SMIM36: variants seen among roughly 807,000 people sequenced by gnomAD.
SMIM36 encodes the protein small integral membrane protein 36.
At position 55,500,884 on chromosome 17, in the gene SMIM36, TATATATTATAATATATTATATTATA is replaced by T. The variant is rs1364152509; in HGVS notation, c.*174+9970_*174+9994del. On this transcript the variant is annotated intron_variant, in intron 1 of 4. Transcript: ENST00000636752. The stretch of plus-strand genomic sequence containing the variant: ...TATTATAATATATTATATTTTATAA[TATATATTATAATATATTATATTATA>T]ATATATTATAATATATTATATTTTA... Among the ~76,000 whole-genome samples the T allele has an allele frequency of 7.7e-5, 2 of 25,850 alleles. 1 individual carries two copies. The highest frequency in any genetic ancestry group is 1.0e-3 in the African/African-American group (2 of 1,946). The allele number at this position is 25,850 out of a possible 152,430, so 17.0% of individuals were successfully genotyped here. A position where few individuals can be genotyped will look rare whatever the true frequency, so the allele number is the denominator to read the frequency against.
chr17:55,470,203 A>G (rs951258675), intron 3 of SMIM36, among the ~76,000 whole-genome samples: 4 of 152,002 alleles, frequency 2.6e-5, no homozygotes, highest in African/African-American at 9.7e-5. Context: ...CCACTCCCAG[A>G]GCCCCTGGAA....
chr17:55,469,813 A>C (rs1289601222), intron 3 of SMIM36, among the ~76,000 whole-genome samples: 1 of 152,162 alleles, frequency 6.6e-6, no homozygotes, highest in Non-Finnish European at 1.5e-5. Context: ...CCCCATCTCC[A>C]CTAAAAATAC....
intron 3 of SMIM36, among the ~76,000 whole-genome samples, chr17:55,469,797 G>A (rs1909309930): frequency 6.6e-6 from 1 of 152,126 alleles, no homozygotes; most frequent in African/African-American, 2.4e-5. Flanking sequence ...GGCCAAGATG[G>A]TGAAACCCCA....
intron 1 of SMIM36, among the ~76,000 whole-genome samples, chr17:55,485,503 G>A (rs2143283323): frequency 6.6e-6 from 1 of 150,846 alleles, no homozygotes; most frequent in Non-Finnish European, 1.5e-5. Context: ...TGCCCTGGCT[G>A]GAGTTGAACT....
At chr17:55,455,374 C>A (rs561534971) in intron 4 of SMIM36, among the ~76,000 whole-genome samples, 1 of 151,496 alleles carries the variant, frequency 6.6e-6, no homozygotes, top group Non-Finnish European at 1.5e-5. Context: ...ACGCTGCCCC[C>A]CTCCCCACAC....
chr17:55,510,632 T>C (rs1400471342), intron 1 of SMIM36, among the ~76,000 whole-genome samples: 1 of 152,130 alleles, frequency 6.6e-6, no homozygotes, highest in Non-Finnish European at 1.5e-5. Flanking sequence ...CTGGTTGCCT[T>C]GGAAAGAAAG....
chr17:55,516,554 C>CTT, the SMIM36 span, among the ~76,000 whole-genome samples: 109 of 98,518 alleles, frequency 1.1e-3, no homozygotes, highest in Non-Finnish European at 1.6e-3. Context: ...AACAGTCTTC[C>CTT]TTTTTTTTTT....
In SMIM36 at chr17:55,500,997, A is replaced by ATATTATAATATATTATATAT. The variant is rs1567870702; in HGVS notation, c.*174+9881_*174+9882insATATATAATATATTATAATA. ...ATTATAATATATTATATATTATAAT[A>ATATTATAATATATTATATAT]TGTAACATATTATTATATTTTGTAA... is the stretch of plus-strand genomic sequence containing the variant. On this transcript the variant is annotated intron_variant, in intron 1 of 4. Transcript: ENST00000636752. Among the ~76,000 whole-genome samples, 3 of 33,602 alleles carry ATATTATAATATATTATATAT rather than the reference A, an allele frequency of 8.9e-5. 1 individual carries two copies. Among genetic ancestry groups the ATATTATAATATATTATATAT allele is most frequent in the Non-Finnish European group, 1.2e-4 (2 of 16,810 alleles). 22.0% of individuals were successfully genotyped at this position (33,602 alleles called of 152,430 possible). A position where few individuals can be genotyped will look rare whatever the true frequency, so the allele number is the denominator to read the frequency against.
chr17:55,476,578 T>G (rs900948414), intron 3 of SMIM36, among the ~76,000 whole-genome samples: 1 of 151,938 alleles, frequency 6.6e-6, no homozygotes, highest in Non-Finnish European at 1.5e-5. Flanking sequence ...TTTTTTTTTT[T>G]TGTTTGTTTA....
At chr17:55,452,562 A>C (rs1366605990) in intron 4 of SMIM36, among the ~76,000 whole-genome samples, 5 of 152,172 alleles carry the variant, frequency 3.3e-5, no homozygotes, top group African/African-American at 9.7e-5. Context: ...AGTCTGGACA[A>C]ATCAAGAGCT....
At chr17:55,528,909 A>G in the SMIM36 span, among the ~76,000 whole-genome samples, 1 of 152,220 alleles carries the variant, frequency 6.6e-6, no homozygotes, top group African/African-American at 2.4e-5. Context: ...AGACAGTTGG[A>G]AGAAAATGCA....
rs146803150 is a variant in SMIM36, at chr17:55,473,361, G to C, written c.*347+5401C>G. On this transcript the variant is annotated intron_variant, in intron 3 of 4. Transcript: ENST00000636752. Reference sequence around the variant, plus strand: ...TGACTTTCCGTAAATTTAAATATCTGCTTGTTTGGATCGACACCTCCACCA... The same window carrying C: ...TGACTTTCCGTAAATTTAAATATCTCCTTGTTTGGATCGACACCTCCACCA... Among the ~76,000 whole-genome samples the C allele has an allele frequency of 9.2e-3, 1,397 of 152,236 alleles. 19 individuals carry two copies. The highest frequency in any genetic ancestry group is 0.032 in the African/African-American group (1,321 of 41,522).
upstream of SMIM36, among the ~76,000 whole-genome samples, chr17:55,515,914 G>T (rs1910268159): frequency 6.6e-6 from 1 of 152,234 alleles, no homozygotes; most frequent in Non-Finnish European, 1.5e-5. Flanking sequence ...AAACCAGGAG[G>T]TATACCAAGC....
intron 4 of SMIM36, among the ~76,000 whole-genome samples, chr17:55,457,041 T>C (rs1250726587): frequency 5.3e-5 from 8 of 152,224 alleles, no homozygotes; most frequent in Non-Finnish European, 1.2e-4. Flanking sequence ...GTAATGTTTT[T>C]CCTCAAACAT....
intron 3 of SMIM36, among the ~76,000 whole-genome samples, chr17:55,472,212 T>C (rs548569539): frequency 5.3e-5 from 8 of 152,204 alleles, no homozygotes; most frequent in Admixed American, 2.6e-4. Flanking sequence ...GCAGTTCTTC[T>C]AAACCCAATC....
upstream of SMIM36, among the ~76,000 whole-genome samples, chr17:55,515,690 T>C (rs1317720396): frequency 6.6e-6 from 1 of 152,118 alleles, no homozygotes; most frequent in Non-Finnish European, 1.5e-5. Context: ...CACCAGAAAC[T>C]GGAAGACAGG....
intron 1 of SMIM36, among the ~76,000 whole-genome samples, chr17:55,486,537 C>T (rs748439757): frequency 6.6e-6 from 1 of 152,152 alleles, no homozygotes; most frequent in Non-Finnish European, 1.5e-5. Flanking sequence ...CTCCACATGC[C>T]CATTTCACTA....
chr17:55,516,954 C>T, the SMIM36 span, among the ~76,000 whole-genome samples: 1 of 152,086 alleles, frequency 6.6e-6, no homozygotes, highest in African/African-American at 2.4e-5. Flanking sequence ...GACGCTTCTC[C>T]CCAACACTCC....
At chr17:55,519,999 C>T in the SMIM36 span, among the ~76,000 whole-genome samples, 3 of 152,128 alleles carry the variant, frequency 2.0e-5, no homozygotes, top group African/African-American at 7.2e-5. Flanking sequence ...GAAATCAGTA[C>T]TACTGGGCCA....
Sources: gnomAD v4.1 joint callset for allele counts (sites outside exome capture counted in the v4.1 genomes callset) on GRCh38, gnomAD v4.1.1 for gene constraint, MANE v1.5 for transcripts, NCBI Gene and HGNC (gene_info 2026-07-23, HGNC 2026-07-21) for gene names.